MITD1: variants seen among roughly 807,000 people sequenced by gnomAD.
MITD1 encodes MIT domain-containing protein 1.
MITD1 carries 24 observed loss-of-function variants against 34.9 expected under a neutral mutation model. That is an observed-to-expected ratio of 0.69 (90% confidence interval 0.50 to 0.97). The LOEUF (loss-of-function observed/expected upper bound fraction) is 0.97. MITD1 is among the 50% of genes least tolerant of loss of function. The pLI, the probability that MITD1 is intolerant of heterozygous loss-of-function variation, is 0.00. For synonymous variants in MITD1, 102 were observed against 101.4 expected (o/e 1.01, Z -0.04); for missense variants, 266 against 294.6 (o/e 0.90, Z 0.71).
In MITD1 at chr2:99,169,428, A is replaced by G; in HGVS notation, c.697T>C (p.Cys233Arg). The G allele has an allele frequency of 2.8e-6, 3 of 1,065,680 alleles. No individual in the cohort carries two copies. Among genetic ancestry groups the G allele is most frequent in the Non-Finnish European group, 2.7e-6 (2 of 735,948 alleles). 66.0% of individuals were successfully genotyped at this position (1,065,680 alleles called of 1,614,324 possible). Reference sequence around the variant, plus strand: ...AAAATGTCTACTGTTGTTTCATGACATGGTCTTAAATCAAAATCACAATAT... The same window carrying G: ...AAAATGTCTACTGTTGTTTCATGACGTGGTCTTAAATCAAAATCACAATAT... ...LGYCDFDLRP[C>R]HETTVDIFHK... Residue 233 changes from cysteine (C) to arginine (R), a missense_variant, in exon 7 of 7, where the codon TGT (cysteine) becomes CGT (arginine). Physicochemically the swap from Cys to Arg is radical, Grantham distance 180. Coordinates refer to ENST00000289359, the MANE Select transcript of MITD1 (RefSeq NM_138798.3).
rs757713207 is a variant in MITD1 at position 99,162,029 on chromosome 2, T to TA, written c.*192dup. 16 of 1,614,012 alleles carry TA rather than the reference T, an allele frequency of 9.9e-6. No homozygotes were observed. The highest frequency in any genetic ancestry group is 1.3e-5 in the Non-Finnish European group (15 of 1,179,950). On this transcript the variant is annotated 3_prime_UTR_variant, in exon 8 of 8. Coordinates refer to the MITD1 transcript ENST00000422537. Reference sequence around the variant, plus strand: ...ACTGCCAGGTCCCAGCAGCTGGCTTTAAAAAAACAGTAAAAAATGGGCTCA... The same window carrying TA: ...ACTGCCAGGTCCCAGCAGCTGGCTTTAAAAAAAACAGTAAAAAATGGGCTCA...
chr2:99,175,314 C>T (rs1159867835), intron 1 of MITD1, among the ~76,000 whole-genome samples: 2 of 152,146 alleles, frequency 1.3e-5, no homozygotes, highest in African/African-American at 4.8e-5. Flanking sequence ...TAGTCTCCTC[C>T]AATCTGTGTT....
At chr2:99,164,405 C>T (rs865966813), downstream of MITD1, among the ~76,000 whole-genome samples, 5 of 152,120 alleles carry the variant, frequency 3.3e-5, no homozygotes, top group Non-Finnish European at 7.4e-5. Flanking sequence ...TCACTACAGC[C>T]TTGAACTGGG....
intron 1 of MITD1, among the ~76,000 whole-genome samples, chr2:99,178,610 C>T (rs969979299): frequency 6.6e-6 from 1 of 152,142 alleles, no homozygotes; most frequent in African/African-American, 2.4e-5. Context: ...TATAATTTTA[C>T]ACTGGAGGTC....
rs1056633794 is a variant in MITD1 at position 99,180,693 on chromosome 2, A to T, written c.151+138T>A. ...TAAAAGAAAGCGGCCCAGTTGTCCT[A>T]TAGAATATCCCACCTTCTGTATTTA... is the stretch of plus-strand genomic sequence containing the variant. On this transcript the variant is annotated intron_variant, in intron 1 of 6. Transcript: ENST00000289359. The T allele has an allele frequency of 3.9e-6, 3 of 759,944 alleles. No homozygotes were observed. In the African/African-American group the frequency reaches 5.2e-5, roughly 13 times the overall value. The allele number at this position is 759,944 out of a possible 1,614,324, so 47.1% of individuals were successfully genotyped here.
intron 4 of MITD1, chr2:99,170,873 G>T: frequency 3.0e-6 from 1 of 334,276 alleles, no homozygotes; most frequent in South Asian, 6.8e-5. Context: ...ACTCCATCCT[G>T]TCTCCTTAAA....
intron 6 of MITD1, 33 bp from the exon 7 acceptor site, chr2:99,169,503 T>G (rs2093843405): frequency 6.2e-7 from 1 of 1,605,084 alleles, no homozygotes; most frequent in Middle Eastern, 1.7e-4. Context: ...TCATTAAAAA[T>G]GATACAAAAA....
intron 7 of MITD1, chr2:99,163,148 CAAA>C: frequency 3.4e-6 from 2 of 581,138 alleles, no homozygotes; most frequent in Non-Finnish European, 5.0e-6. Context: ...CATTGTATGT[CAAA>C]AAAAAACCTA....
intron 7 of MITD1, among the ~76,000 whole-genome samples, chr2:99,163,487 C>T (rs1228168601): frequency 2.0e-5 from 3 of 151,956 alleles, no homozygotes; most frequent in Admixed American, 2.0e-4. Flanking sequence ...TCACCATGCC[C>T]AGCTAATTTT....
chr2:99,179,331 T>C lies in MITD1; in HGVS notation c.151+1500A>G, dbSNP rs911553494. 3.3e-5 allele frequency among the ~76,000 whole-genome samples: 5 copies of C among 152,058 alleles called. 1 individual carries two copies. The highest frequency in any genetic ancestry group is 1.2e-4 in the African/African-American group (5 of 41,414). ...GGGCCTTGGGCTCCGACTGTGACTC[T>C]ACCACCTCCTAGTGGCAGAACTTGA... On this transcript the variant is annotated intron_variant, in intron 1 of 6. Coordinates refer to ENST00000289359, the MANE Select transcript of MITD1 (RefSeq NM_138798.3).
downstream of MITD1, among the ~76,000 whole-genome samples, chr2:99,166,500 A>C (rs2093827567): frequency 6.6e-6 from 1 of 151,472 alleles, no homozygotes. Context: ...AAAAAAAAAA[A>C]AAACATACAG....
At chr2:99,171,217 G>T in intron 4 of MITD1, 126 bp downstream of exon 4, 1 of 721,706 alleles carries the variant, frequency 1.4e-6, no homozygotes, top group Non-Finnish European at 2.4e-6. Flanking sequence ...CATACTGTTA[G>T]ATAATAAGTT....
exon 8 of MITD1, chr2:99,162,052 T>C (rs747279960): frequency 6.8e-6 from 11 of 1,614,004 alleles, no homozygotes; most frequent in Non-Finnish European, 6.8e-6. Context: ...AAAAATGGGC[T>C]CATTTTACAG....
At chr2:99,162,819 T>C in intron 7 of MITD1, 2 of 1,613,996 alleles carry the variant, frequency 1.2e-6, no homozygotes, top group Non-Finnish European at 1.7e-6. Context: ...CTTTCATGTG[T>C]TATATGAACA....
chr2:99,171,304 A>C, intron 4 of MITD1, 39 bp downstream of exon 4: 1 of 1,447,168 alleles, frequency 6.9e-7, no homozygotes, highest in Non-Finnish European at 9.7e-7. Context: ...GTAACTGAAT[A>C]AAGTTAATAA....
At chr2:99,166,885 AT>A (rs1559174827), downstream of MITD1, among the ~76,000 whole-genome samples, 142 of 136,050 alleles carry the variant, frequency 1.0e-3, 2 homozygotes, top group African/African-American at 4.1e-3. Context: ...ATATATATAT[AT>A]ATATATATAT....
intron 7 of MITD1, chr2:99,162,494 T>C (rs750104112): frequency 6.2e-6 from 10 of 1,614,044 alleles, no homozygotes; most frequent in African/African-American, 2.7e-5. Flanking sequence ...ACCATTGCAC[T>C]TTATTATGTA....
At chr2:99,168,612 T>C (rs1195124954), downstream of MITD1, among the ~76,000 whole-genome samples, 1 of 152,244 alleles carries the variant, frequency 6.6e-6, no homozygotes, top group Non-Finnish European at 1.5e-5. Context: ...CCAGCCAAAG[T>C]GAATGAGCTG....
chr2:99,173,288 C>A, intron 2 of MITD1: 1 of 307,548 alleles, frequency 3.3e-6, no homozygotes. Flanking sequence ...CTTTTGAGGG[C>A]AGCAGTACCT....
Sources: allele counts gnomAD v4.1 joint callset (sites outside exome capture counted in the v4.1 genomes callset), GRCh38; gene constraint gnomAD v4.1.1; transcripts MANE v1.5; gene names NCBI Gene and HGNC (gene_info 2026-07-23, HGNC 2026-07-21).